SLC7A2: variants seen among roughly 807,000 people sequenced by gnomAD.
The protein encoded by SLC7A2 is solute carrier family 7 member 2.
In SLC7A2, 48 loss-of-function variants were observed where a neutral mutation model predicts 58.9. That is an observed-to-expected ratio of 0.82 (90% CI 0.65 to 1.04). The LOEUF (loss-of-function observed/expected upper bound fraction) is 1.04, where lower values mean the gene tolerates loss of function less well. Ranked by LOEUF, SLC7A2 falls within the 50% of genes least tolerant of loss-of-function variation. The pLI, the probability that SLC7A2 is intolerant of heterozygous loss-of-function variation, is 0.00. For synonymous variants in SLC7A2, 363 were observed against 314.5 expected (o/e 1.15, Z -1.63); for missense variants, 1,029 against 818.8 (o/e 1.26, Z -3.13).
chr8:17,524,789 C>A (rs561781801), intron 2 of SLC7A2, among the ~76,000 whole-genome samples: 9 of 151,826 alleles, frequency 5.9e-5, no homozygotes, highest in Non-Finnish European at 8.8e-5. Flanking sequence ...ACTTCCGCAT[C>A]TAATCCTGAT....
At chr8:17,517,221 A>T (rs547639772) in intron 2 of SLC7A2, among the ~76,000 whole-genome samples, 1 of 152,206 alleles carries the variant, frequency 6.6e-6, no homozygotes, top group Non-Finnish European at 1.5e-5. Flanking sequence ...ACCAAACAAA[A>T]ACTTGGCAAT....
At chr8:17,494,380 A>C (rs910633632), upstream of SLC7A2, among the ~76,000 whole-genome samples, 5 of 152,312 alleles carry the variant, frequency 3.3e-5, no homozygotes, top group African/African-American at 1.2e-4. Context: ...ATGACAACCT[A>C]GGCTACTCTC....
In SLC7A2 at chr8:17,544,529, C is replaced by T; in HGVS notation, c.455C>T (p.Thr152Ile). The change falls in exon 4 of 13, where the codon ACA becomes ATA. Residue 152 changes from threonine (T) to isoleucine (I), a missense_variant. Thr to Ile is a moderately conservative substitution (Grantham distance 89). Coordinates refer to ENST00000494857, the MANE Select transcript of SLC7A2 (RefSeq NM_001370338.1). Reference protein sequence around the residue: ...LSKQIGQFLRTYFRMNYTGLA... With the variant: ...LSKQIGQFLRIYFRMNYTGLA... ...AAACAGATTGGTCAGTTTTTGAGGA[C>T]ATACTTCAGAATGAATTACACTGGT... 1 of 1,613,818 alleles carries T rather than the reference C, an allele frequency of 6.2e-7. No individual in the cohort carries two copies. Among genetic ancestry groups the T allele is most frequent in the Non-Finnish European group, 8.5e-7 (1 of 1,179,774 alleles).
intron 5 of SLC7A2, 150 bp downstream of exon 5, chr8:17,548,993 A>C (rs1248338287): frequency 1.4e-6 from 1 of 716,330 alleles, no homozygotes; most frequent in Non-Finnish European, 2.3e-6. Flanking sequence ...TCACAGTTCC[A>C]CATGGCTGGG....
At chr8:17,543,059 G>T (rs900556321) in intron 2 of SLC7A2, among the ~76,000 whole-genome samples, 2 of 152,070 alleles carry the variant, frequency 1.3e-5, no homozygotes, top group African/African-American at 2.4e-5. Context: ...TGCCACATAA[G>T]CCATTTATTG....
At chr8:17,499,002 G>A (rs1330761886) in intron 1 of SLC7A2, 1 of 151,984 alleles carries the variant, frequency 6.6e-6, no homozygotes, top group Non-Finnish European at 1.5e-5. Context: ...TAAAGTTCAC[G>A]TTTCTTGCTT....
intron 2 of SLC7A2, among the ~76,000 whole-genome samples, chr8:17,512,789 G>A (rs767134566): frequency 2.0e-5 from 3 of 151,984 alleles, no homozygotes; most frequent in Non-Finnish European, 1.5e-5. Flanking sequence ...TCAGTTTCCC[G>A]TTTCCCCTTC....
At chr8:17,506,996 G>C (rs1800393312) in intron 2 of SLC7A2, among the ~76,000 whole-genome samples, 1 of 149,864 alleles carries the variant, frequency 6.7e-6, no homozygotes, top group African/African-American at 2.5e-5. Flanking sequence ...CCAGGCTGGA[G>C]TGCAATGGTG....
chr8:17,567,728 T>TA lies in SLC7A2; in HGVS notation c.*2585dup, dbSNP rs1803330738. The TA allele has an allele frequency of 6.6e-6, 1 of 152,248 alleles. No individual in the cohort carries two copies. Among genetic ancestry groups the TA allele is most frequent in the African/African-American group, 2.4e-5 (1 of 41,456 alleles). The allele number at this position is 152,248 out of a possible 1,614,324, so 9.4% of individuals were successfully genotyped here. On this transcript the variant is annotated 3_prime_UTR_variant, in exon 13 of 13. Transcript: ENST00000494857. ...ATGCTTATACCTAATTTTTAGTTTT[T>TA]AAACTATTTTAAAATATACTATGAT... is the stretch of plus-strand genomic sequence containing the variant.
At chr8:17,518,025 G>A (rs773667063) in intron 2 of SLC7A2, among the ~76,000 whole-genome samples, 1 of 152,040 alleles carries the variant, frequency 6.6e-6, no homozygotes, top group Non-Finnish European at 1.5e-5. Flanking sequence ...GTGGTTGTGA[G>A]GGTTAAATAA....
At chr8:17,525,658 G>C (rs73196120) in intron 2 of SLC7A2, among the ~76,000 whole-genome samples, 12,170 of 152,200 alleles carry the variant, frequency 0.08, 557 homozygotes, top group East Asian at 0.13. Flanking sequence ...AATCCTACAT[G>C]CCTCAACAGT....
At chr8:17,511,284 A>G (rs191348096) in intron 2 of SLC7A2, 2 of 152,304 alleles carry the variant, frequency 1.3e-5, no homozygotes, top group Admixed American at 6.5e-5. Context: ...AATCTATAGA[A>G]AAAAGTTAAG....
intron 2 of SLC7A2, among the ~76,000 whole-genome samples, chr8:17,526,370 A>T (rs991380293): frequency 1.3e-5 from 2 of 152,196 alleles, no homozygotes; most frequent in African/African-American, 4.8e-5. Flanking sequence ...GATGACAGGG[A>T]AGCAGAGCTC....
chr8:17,519,514 T>G (rs2150685268), intron 2 of SLC7A2, among the ~76,000 whole-genome samples: 1 of 152,354 alleles, frequency 6.6e-6, no homozygotes, highest in Non-Finnish European at 1.5e-5. Context: ...GAGCTTCCTG[T>G]ATCTGAATCC....
At chr8:17,560,110 T>C (rs1310700498) in intron 9 of SLC7A2, among the ~76,000 whole-genome samples, 1 of 152,206 alleles carries the variant, frequency 6.6e-6, no homozygotes, top group African/African-American at 2.4e-5. Flanking sequence ...GACTCTGATT[T>C]GGTGACTACT....
chr8:17,523,904 A>G (rs1223518527), intron 2 of SLC7A2, among the ~76,000 whole-genome samples: 2 of 139,032 alleles, frequency 1.4e-5, no homozygotes, highest in Non-Finnish European at 3.2e-5. Flanking sequence ...AAGAACTCAA[A>G]CAAATCAGCA....
intron 1 of SLC7A2, chr8:17,499,115 G>C (rs909615448): frequency 6.6e-6 from 1 of 152,168 alleles, no homozygotes; most frequent in Non-Finnish European, 1.5e-5. Flanking sequence ...TTAAGCCCTT[G>C]TTTCTCCTGG....
Position 17,548,746 on chromosome 8 carries a change from G to T in SLC7A2, c.601G>T (p.Val201Phe). The T allele has an allele frequency of 1.2e-6, 2 of 1,613,758 alleles. No individual in the cohort carries two copies. The highest frequency in any genetic ancestry group is 1.7e-6 in the Non-Finnish European group (2 of 1,179,758). Reference protein sequence around the residue: ...NKVFTAVNILVLLFVMVAGFV... With the variant: ...NKVFTAVNILFLLFVMVAGFV... ...AGTCTTCACAGCTGTTAATATTCTC[G>T]TCCTTCTGTTTGTGATGGTTGCTGG... is the stretch of plus-strand genomic sequence containing the variant. Residue 201 changes from valine to phenylalanine, a missense_variant, in exon 5 of 13, where the codon GTC becomes TTC. By Grantham distance (50) the Val-to-Phe change is conservative. Transcript: ENST00000494857.
At chr8:17,546,752 T>C (rs1296747971) in intron 4 of SLC7A2, among the ~76,000 whole-genome samples, 2 of 152,172 alleles carry the variant, frequency 1.3e-5, no homozygotes, top group African/African-American at 2.4e-5. Flanking sequence ...ATTTGCTTTT[T>C]TGATGGTGGG....
Sources: gnomAD v4.1 joint callset for allele counts (sites outside exome capture counted in the v4.1 genomes callset) on GRCh38, gnomAD v4.1.1 for gene constraint, MANE v1.5 for transcripts, NCBI Gene and HGNC (gene_info 2026-07-23, HGNC 2026-07-21) for gene names.